The following EXT2 variants were observed in gnomAD, a reference collection of about 807,000 sequenced individuals.
EXT2 encodes exostosin-2.
A neutral mutation model predicts 81.6 loss-of-function variants in EXT2; 53 were observed. The ratio of observed to expected loss-of-function variants is 0.65; its 90% CI spans 0.52 to 0.82. The LOEUF is 0.82. Ranked by LOEUF, EXT2 falls within the 40% of genes least tolerant of loss-of-function variation. EXT2 has a pLI of 0.00. For synonymous variants in EXT2, 320 were observed against 340.0 expected, an observed-to-expected ratio of 0.94 and a Z score of 0.65; for missense variants, 774 against 910.2, an observed-to-expected ratio of 0.85 and a Z score of 1.93.
intron 13 of EXT2, among the ~76,000 whole-genome samples, chr11:44,240,322 G>T (rs1180825935): frequency 6.6e-6 from 1 of 152,224 alleles, no homozygotes; most frequent in East Asian, 1.9e-4. Context: ...AGGATATACA[G>T]TGCTCAGAAG....
rs187605135 is a variant in EXT2 at position 44,141,231 on chromosome 11, G to A, written c.1173+11093G>A. Among the ~76,000 whole-genome samples the A allele has an allele frequency of 5.3e-5, 8 of 152,292 alleles. No individual in the cohort carries two copies. In the East Asian group the frequency reaches 1.5e-3, roughly 29 times the overall value. On this transcript the variant is annotated intron_variant, in intron 7 of 13. Coordinates refer to ENST00000533608, the MANE Select transcript of EXT2 (RefSeq NM_207122.2). The stretch of plus-strand genomic sequence containing the variant: ...CTTCCTAATACAATGTAAATGCTGT[G>A]CAGATAGTTATTATACTGTATTGTT...
At chr11:44,208,689 C>T (rs1049231712) in intron 10 of EXT2, among the ~76,000 whole-genome samples, 1 of 152,210 alleles carries the variant, frequency 6.6e-6, no homozygotes, top group African/African-American at 2.4e-5. Flanking sequence ...CCGAGTGTTT[C>T]CATACATTAC....
At chr11:44,197,740 G>A (rs1393570218) in intron 8 of EXT2, 89 bp from the exon 9 acceptor site, 1 of 1,373,144 alleles carries the variant, frequency 7.3e-7, no homozygotes, top group Non-Finnish European at 1.0e-6. Context: ...AAGCCACCAA[G>A]CCTGCCATGT....
intron 7 of EXT2, among the ~76,000 whole-genome samples, chr11:44,139,404 G>A (rs2135053819): frequency 6.6e-6 from 1 of 152,142 alleles, no homozygotes; most frequent in East Asian, 1.9e-4. Context: ...AAACAGCTGA[G>A]GAGCTACAGT....
Position 44,171,664 on chromosome 11 carries a change from C to T in EXT2, c.1227C>T (p.Ala409=). 6.2e-7 allele frequency: 1 copy of T among 1,614,128 alleles called. No homozygotes were observed. Among genetic ancestry groups the T allele is most frequent in the Non-Finnish European group, 8.5e-7 (1 of 1,179,996 alleles). The change falls in exon 8 of 14, where the codon GCC becomes GCT. Residue 409 remains alanine (A), a synonymous_variant. Transcript: ENST00000533608. The part of the protein sequence containing the change: ...YFQSIKAIAL[A]TLQIINDRIY... ...AGTCAATTAAAGCCATTGCCCTGGCCACCCTGCAGATTATCAATGACCGGA... is the reference window on the plus strand; with the variant it reads ...AGTCAATTAAAGCCATTGCCCTGGCTACCCTGCAGATTATCAATGACCGGA...
intron 1 of EXT2, among the ~76,000 whole-genome samples, chr11:44,104,238 CA>C (rs1243838665): frequency 6.6e-6 from 1 of 151,948 alleles, no homozygotes; most frequent in Admixed American, 6.6e-5. Flanking sequence ...AATAGAATAA[CA>C]GAGTAGAAAA....
intron 7 of EXT2, among the ~76,000 whole-genome samples, chr11:44,151,692 C>T (rs746650645): frequency 2.0e-5 from 3 of 152,062 alleles, no homozygotes; most frequent in Non-Finnish European, 2.9e-5. Flanking sequence ...TGCAGGTTTT[C>T]GAGTAGATGT....
chr11:44,097,517 C>T (rs4622246), intron 1 of EXT2, among the ~76,000 whole-genome samples: 40,149 of 151,924 alleles, frequency 0.26, 6,255 homozygotes, highest in Admixed American at 0.44. Context: ...AGGCCAGGCG[C>T]GGTGGCTCAC....
At chr11:44,221,992 A>C (rs567347731) in intron 10 of EXT2, among the ~76,000 whole-genome samples, 1 of 152,358 alleles carries the variant, frequency 6.6e-6, no homozygotes, top group African/African-American at 2.4e-5. Context: ...CTAGAAAGCA[A>C]GATAAACTAA....
intron 1 of EXT2, chr11:44,096,191 G>T: frequency 6.8e-7 from 1 of 1,469,556 alleles, no homozygotes; most frequent in South Asian, 1.2e-5. Context: ...CCTCCGCCGT[G>T]ACCCCTCCCT....
In EXT2 at chr11:44,114,259, G is replaced by T. The variant is rs1386194225; in HGVS notation, c.701G>T (p.Ser234Ile). 3.1e-6 allele frequency: 5 copies of T among 1,614,066 alleles called. No individual in the cohort carries two copies. The highest frequency in any genetic ancestry group is 1.7e-6 in the Non-Finnish European group (2 of 1,179,978). Residue 234 changes from serine to isoleucine, a missense_variant, in exon 4 of 14, where the codon AGT (serine) becomes ATT (isoleucine). Physicochemically the swap from Ser to Ile is moderately radical, Grantham distance 142. Transcript: ENST00000533608. Reference protein sequence around the residue: ...QGYDVSIPVYSPLSAEVDLPE... With the variant: ...QGYDVSIPVYIPLSAEVDLPE... ...TACGATGTCAGCATTCCTGTCTATA[G>T]TCCACTGTCAGCTGAGGTGGATCTT...
chr11:44,126,710 T>C, intron 5 of EXT2, 106 bp from the exon 6 acceptor site: 2 of 1,429,434 alleles, frequency 1.4e-6, no homozygotes, highest in Non-Finnish European at 2.0e-6. Flanking sequence ...GATGCCTCAG[T>C]ATTGCTTGGC....
intron 7 of EXT2, among the ~76,000 whole-genome samples, chr11:44,147,530 G>A (rs1954734374): frequency 6.6e-6 from 1 of 151,916 alleles, no homozygotes; most frequent in Non-Finnish European, 1.5e-5. Flanking sequence ...AATTATTAAT[G>A]GGCTAGGCCT....
At chr11:44,211,845 T>A (rs7122331) in intron 10 of EXT2, among the ~76,000 whole-genome samples, 1 of 152,146 alleles carries the variant, frequency 6.6e-6, no homozygotes, top group Non-Finnish European at 1.5e-5. Flanking sequence ...ATGTAAATGT[T>A]TATGGAGCTA....
Position 44,246,511 on chromosome 11 carries a change from G to A in EXT2, c.*2224G>A, listed in dbSNP as rs925906744. Among the ~76,000 whole-genome samples, 13 of 152,240 alleles carry A rather than the reference G, an allele frequency of 8.5e-5. No individual in the cohort carries two copies. The East Asian group carries it at 2.3e-3, about 27-fold the overall frequency. ...TCATAGGAGTCATTGGACTTTAAAGGCATTACAACTCCATTTAAAGTACCT... is the reference window on the plus strand; with the variant it reads ...TCATAGGAGTCATTGGACTTTAAAGACATTACAACTCCATTTAAAGTACCT... On this transcript the variant is annotated 3_prime_UTR_variant, in exon 14 of 14. Coordinates refer to ENST00000533608, the MANE Select transcript of EXT2 (RefSeq NM_207122.2).
At position 44,220,868 on chromosome 11, in the gene EXT2, G is replaced by A. The variant is rs1955773880; in HGVS notation, c.1663-11485G>A. Among the ~76,000 whole-genome samples the A allele has an allele frequency of 6.6e-6, 1 of 152,160 alleles. No homozygotes were observed. Among genetic ancestry groups the A allele is most frequent in the African/African-American group, 2.4e-5 (1 of 41,448 alleles). ...CCGCAGTAAAGCCTGACCTCTCAGA[G>A]CTTCTCTAAAGCACCCAGTCCCCAT... On this transcript the variant is annotated intron_variant, in intron 10 of 13. Coordinates refer to ENST00000533608, the MANE Select transcript of EXT2 (RefSeq NM_207122.2). This position sits in a 1 kb window ranked among gnomAD's most constrained non-coding sequence, Gnocchi z 4.4.
intron 3 of EXT2, among the ~76,000 whole-genome samples, chr11:44,112,847 A>T (rs1954165484): frequency 6.6e-6 from 1 of 151,986 alleles, no homozygotes; most frequent in Non-Finnish European, 1.5e-5. Context: ...ATACACACCC[A>T]CTTCTCCTCT....
At chr11:44,195,841 G>A (rs1955449497) in intron 8 of EXT2, among the ~76,000 whole-genome samples, 1 of 152,134 alleles carries the variant, frequency 6.6e-6, no homozygotes, top group Non-Finnish European at 1.5e-5. Flanking sequence ...ATATGAATAT[G>A]AATGTAATTA....
chr11:44,121,288 A>G (rs977206850), intron 4 of EXT2, among the ~76,000 whole-genome samples: 1 of 152,180 alleles, frequency 6.6e-6, no homozygotes, highest in Non-Finnish European at 1.5e-5. Flanking sequence ...CATCAGTGAA[A>G]TCTAACCCAG....
Sources: allele counts gnomAD v4.1 joint callset (sites outside exome capture counted in the v4.1 genomes callset), GRCh38; gene constraint gnomAD v4.1.1; non-coding constraint Gnocchi (gnomAD v3.1); transcripts MANE v1.5; gene names NCBI Gene and HGNC (gene_info 2026-07-23, HGNC 2026-07-21).